The following HNF1A variants were observed in gnomAD, a reference collection of about 807,000 sequenced individuals.
HNF1A encodes HNF1 homeobox A.
Under a neutral mutation model 62.2 loss-of-function variants are expected in HNF1A, and 21 were observed. That is an observed-to-expected ratio of 0.34 (90% confidence interval 0.24 to 0.49). The LOEUF is 0.49. Ranked by LOEUF, HNF1A falls within the 20% of genes least tolerant of loss-of-function variation. The pLI is 0.99. For synonymous variants in HNF1A, 374 were observed against 366.8 expected (o/e 1.02, Z -0.22); for missense variants, 687 against 832.3 (o/e 0.83, Z 2.15).
At chr12:120,979,142 C>T (rs756163357) in intron 1 of HNF1A, 48 bp downstream of exon 1, 2 of 1,519,252 alleles carry the variant, frequency 1.3e-6, no homozygotes, top group South Asian at 1.2e-5. Flanking sequence ...CTAGAGGGGC[C>T]CCCCTCAGCT....
intron 7 of HNF1A, 63 bp downstream of exon 7, chr12:120,997,728 G>A: frequency 2.0e-6 from 3 of 1,508,352 alleles, no homozygotes; most frequent in Non-Finnish European, 2.7e-6. Flanking sequence ...AATGGATGCA[G>A]GGGAAAGGGG....
At chr12:120,998,061 C>T in intron 7 of HNF1A, 1 of 453,024 alleles carries the variant, frequency 2.2e-6, no homozygotes, top group Non-Finnish European at 4.1e-6. Flanking sequence ...GGGCAGATCA[C>T]TTGAGGTCAG....
chr12:120,987,589 AAT>A lies in HNF1A; in HGVS notation c.327-1226_327-1225del, dbSNP rs576184412. Reference sequence around the variant, plus strand: ...CAGATTTTCAGGAAGCATTTTTAAAAATATATATATATATATATACACATATA... The same window carrying A: ...CAGATTTTCAGGAAGCATTTTTAAAAATATATATATATATATACACATATA... On this transcript the variant is annotated intron_variant, in intron 1 of 9. Coordinates refer to ENST00000257555, the MANE Select transcript of HNF1A (RefSeq NM_000545.8). Among the ~76,000 whole-genome samples the A allele has an allele frequency of 0.035, 667 of 18,806 alleles. 3 individuals are homozygous for A. In the East Asian group the frequency reaches 0.41, roughly 11 times the overall value. 12.3% of individuals were successfully genotyped at this position (18,806 alleles called of 152,430 possible). A position where few individuals can be genotyped will look rare whatever the true frequency, so the allele number is the denominator to read the frequency against.
At chr12:120,979,197 C>G in intron 1 of HNF1A, 103 bp downstream of exon 1, 1 of 1,072,746 alleles carries the variant, frequency 9.3e-7, no homozygotes, top group African/African-American at 1.6e-5. Flanking sequence ...GACCTTCAGC[C>G]TTTAGCCTAG....
At chr12:120,994,044 C>T in intron 3 of HNF1A, 120 bp from the exon 4 acceptor site, 1 of 1,385,902 alleles carries the variant, frequency 7.2e-7, no homozygotes, top group South Asian at 1.3e-5. Flanking sequence ...GCATTGGAAC[C>T]CAGATCTGCC....
chr12:120,988,778 A>G, intron 1 of HNF1A, 55 bp from the exon 2 acceptor site: 1 of 1,557,262 alleles, frequency 6.4e-7, no homozygotes, highest in Non-Finnish European at 8.8e-7. Flanking sequence ...CCGCAGCCCC[A>G]CCTATGGGGA....
rs1243933549 is a variant in HNF1A, at chr12:120,997,631, C to T, written c.1467C>T (p.Phe489=). 4 of 1,612,884 alleles carry T rather than the reference C, an allele frequency of 2.5e-6. No individual in the cohort carries two copies. Among genetic ancestry groups the T allele is most frequent in the Admixed American group, 3.3e-5 (2 of 59,916 alleles). The stretch of plus-strand genomic sequence containing the variant: ...AGAGCCATGTGACCCAGAGCCCCTT[C>T]ATGGCCACCATGGCTCAGCTGCAGA... The part of the protein sequence containing the change: ...PVQSHVTQSP[F]MATMAQLQSP... The change falls in exon 7 of 10, where the codon TTC becomes TTT. Residue 489 remains phenylalanine, a synonymous_variant. Transcript: ENST00000257555.
Position 121,002,034 on chromosome 12 carries a change from T to A in HNF1A, c.*842T>A, listed in dbSNP as rs1172128876. 1 of 536,720 alleles carries A rather than the reference T, an allele frequency of 1.9e-6. No individual in the cohort carries two copies. Among genetic ancestry groups the A allele is most frequent in the Non-Finnish European group, 3.6e-6 (1 of 276,722 alleles). The allele number at this position is 536,720 out of a possible 1,614,324, so 33.2% of individuals were successfully genotyped here. On this transcript the variant is annotated 3_prime_UTR_variant, in exon 10 of 10. Coordinates refer to ENST00000257555, the MANE Select transcript of HNF1A (RefSeq NM_000545.8). ...CGCAACCCGTGCCAAGTCCAGGTCCTGGTGGGGCAGCTCCTCTGTCTCGAG... is the reference window on the plus strand; with the variant it reads ...CGCAACCCGTGCCAAGTCCAGGTCCAGGTGGGGCAGCTCCTCTGTCTCGAG...
In HNF1A at chr12:120,994,321, C is replaced by G. The variant is rs151256267; in HGVS notation, c.871C>G (p.Pro291Ala). Residue 291 changes from proline to alanine, a missense_variant, in exon 4 of 10, where the codon CCA becomes GCA. Coordinates refer to ENST00000257555, the MANE Select transcript of HNF1A (RefSeq NM_000545.8). ...CATGGACACGTACAGCGGGCCCCCC[C>G]CAGGGCCAGGCCCGGGACCTGCGCT... ...LAMDTYSGPP[P>A]GPGPGPALPA... 18 of 1,610,052 alleles carry G rather than the reference C, an allele frequency of 1.1e-5. No individual in the cohort carries two copies. Among genetic ancestry groups the G allele is most frequent in the African/African-American group, 1.1e-4 (8 of 75,004 alleles).
chr12:120,984,190 G>C (rs1469741367), intron 1 of HNF1A, among the ~76,000 whole-genome samples: 1 of 152,094 alleles, frequency 6.6e-6, no homozygotes, highest in Admixed American at 6.5e-5. Context: ...TGGAACGTTC[G>C]TATCAGCTCA....
chr12:120,985,463 T>TGGTGA (rs1876462564), intron 1 of HNF1A, among the ~76,000 whole-genome samples: 2 of 145,220 alleles, frequency 1.4e-5, no homozygotes. Flanking sequence ...CTGGCCAACA[T>TGGTGA]AGCAAGACCC....
Position 120,993,516 on chromosome 12 carries a change from G to T in HNF1A, c.527-4G>T. The T allele has an allele frequency of 6.2e-7, 1 of 1,613,850 alleles. No individual in the cohort carries two copies. The highest frequency in any genetic ancestry group is 8.5e-7 in the Non-Finnish European group (1 of 1,179,926). ...ACCCCACTCACGGCTTTCTGTGCCT[G>T]CAGAGTTCACCCATGCAGGGCAGGG... On this transcript the variant is annotated splice_polypyrimidine_tract_variant and splice_region_variant and intron_variant, in intron 2 of 9. Coordinates refer to ENST00000257555, the MANE Select transcript of HNF1A (RefSeq NM_000545.8).
rs2135819370 is a variant in HNF1A at position 120,978,789 on chromosome 12, G to A, written c.21G>A (p.Gln7=). 6.2e-7 allele frequency: 1 copy of A among 1,613,062 alleles called. No homozygotes were observed. Among genetic ancestry groups the A allele is most frequent in the Non-Finnish European group, 8.5e-7 (1 of 1,179,874 alleles). Residue 7 remains glutamine (Q), a synonymous_variant, in exon 1 of 10, where the codon CAG becomes CAA. Transcript: ENST00000257555. MVSKLS[Q]LQTELLAALL... Reference sequence around the variant, plus strand: ...GAGCCATGGTTTCTAAACTGAGCCAGCTGCAGACGGAGCTCCTGGCGGCCC... The same window carrying A: ...GAGCCATGGTTTCTAAACTGAGCCAACTGCAGACGGAGCTCCTGGCGGCCC...
chr12:121,001,246 C>G lies in HNF1A; in HGVS notation c.*54C>G. The G allele has an allele frequency of 6.2e-7, 1 of 1,603,636 alleles. No individual in the cohort carries two copies. Among genetic ancestry groups the G allele is most frequent in the Non-Finnish European group, 8.5e-7 (1 of 1,175,302 alleles). ...CTGCCTGCTTGGGGGGTGATGAGGG[C>G]AGCAGCCAGCCCTGCCTGGAGGACC... On this transcript the variant is annotated 3_prime_UTR_variant, in exon 10 of 10. Transcript: ENST00000257555.
chr12:121,000,782 T>C (rs1877402457), intron 9 of HNF1A: 6 of 479,044 alleles, frequency 1.3e-5, no homozygotes, highest in Non-Finnish European at 2.3e-5. Flanking sequence ...TGACTCAGCC[T>C]AGCCAAGCCA....
chr12:121,000,928 G>A, intron 9 of HNF1A, 137 bp from the exon 10 acceptor site: 1 of 1,243,284 alleles, frequency 8.0e-7, no homozygotes, highest in South Asian at 1.2e-5. Flanking sequence ...GTAGAGGTGT[G>A]ACTTTGGGGT....
intron 1 of HNF1A, among the ~76,000 whole-genome samples, chr12:120,983,302 T>C (rs1045279175): frequency 1.3e-5 from 2 of 152,238 alleles, no homozygotes; most frequent in African/African-American, 4.8e-5. Flanking sequence ...CAGCACTTAC[T>C]GTGCACCAGG....
At chr12:120,990,652 G>A (rs1169297) in intron 2 of HNF1A, among the ~76,000 whole-genome samples, 32,696 of 91,370 alleles carry the variant, frequency 0.36, 4,819 homozygotes, top group Middle Eastern at 0.52. Context: ...GGGAGGAAAG[G>A]TAGGAAAGGG....
chr12:120,999,555 C>G lies in HNF1A; in HGVS notation c.1696C>G (p.His566Asp), dbSNP rs1442910842. 3 of 1,613,008 alleles carry G rather than the reference C, an allele frequency of 1.9e-6. No homozygotes were observed. The highest frequency in any genetic ancestry group is 2.5e-6 in the Non-Finnish European group (3 of 1,179,828). Residue 566 changes from histidine to aspartate, a missense_variant, in exon 9 of 10, where the codon CAC becomes GAC. His to Asp is a moderately conservative substitution (Grantham distance 81, BLOSUM62 -1). Around this residue, in one of 5 missense-constraint regions of HNF1A, gnomAD observed 408 missense variants for 455.3 expected, o/e 0.90. Coordinates refer to ENST00000257555, the MANE Select transcript of HNF1A (RefSeq NM_000545.8). ...HTPASQATTLHVPSQDPASIQ... is the reference protein window; with the variant it reads ...HTPASQATTLDVPSQDPASIQ... ...GCCGGCATCTCAGGCCACCACCCTC[C>G]ACGTCCCCAGCCAGGACCCTGCCAG...
Sources: gnomAD v4.1 joint callset for allele counts (sites outside exome capture counted in the v4.1 genomes callset) on GRCh38, gnomAD v4.1.1 for gene constraint, gnomAD v4.1.1 regional missense constraint, MANE v1.5 for transcripts, NCBI Gene and HGNC (gene_info 2026-07-23, HGNC 2026-07-21) for gene names.